The following HPGD variants were observed in gnomAD, a reference collection of about 807,000 sequenced individuals.
HPGD encodes 15-hydroxyprostaglandin dehydrogenase, also known as 15-hydroxyprostaglandin dehydrogenase [NAD(+)].
HPGD carries 29 observed loss-of-function variants against 30.0 expected under a neutral mutation model. The ratio of observed to expected loss-of-function variants is 0.97; its 90% CI spans 0.72 to 1.32. The LOEUF (loss-of-function observed/expected upper bound fraction) is 1.32, where lower values mean the gene tolerates loss of function less well. Among genes scored for constraint, HPGD ranks in the 40% most tolerant of loss-of-function variants. HPGD has a pLI of 0.00. For missense variants in HPGD, 340 were observed against 322.1 expected, an observed-to-expected ratio of 1.06 and a Z score of -0.43; for synonymous variants, 99 against 112.4, an observed-to-expected ratio of 0.88 and a Z score of 0.75.
At chr4:174,511,444 T>C (rs1735488936) in intron 3 of HPGD, among the ~76,000 whole-genome samples, 1 of 152,190 alleles carries the variant, frequency 6.6e-6, no homozygotes, top group Admixed American at 6.5e-5. Context: ...ATATATTAGT[T>C]AAATGTCAAA....
chr4:174,506,963 C>A (rs1216251085), intron 4 of HPGD: 1 of 152,162 alleles, frequency 6.6e-6, no homozygotes, highest in African/African-American at 2.4e-5. Flanking sequence ...TGAAAGAATA[C>A]AGAGAATTAT....
intron 4 of HPGD, among the ~76,000 whole-genome samples, chr4:174,503,239 G>A (rs972167044): frequency 1.3e-5 from 2 of 152,056 alleles, no homozygotes. Flanking sequence ...AAGCAGGAAG[G>A]GTGGCTCCCA....
chr4:174,498,480 C>G (rs908939866), intron 4 of HPGD, among the ~76,000 whole-genome samples: 1 of 152,108 alleles, frequency 6.6e-6, no homozygotes, highest in African/African-American at 2.4e-5. Context: ...TTTCCTTGTG[C>G]CCCTTGGTAA....
intron 4 of HPGD, among the ~76,000 whole-genome samples, chr4:174,502,588 G>A (rs1044388341): frequency 6.7e-6 from 1 of 150,106 alleles, no homozygotes; most frequent in Non-Finnish European, 1.5e-5. Context: ...TGAGGCAGGA[G>A]AATGGCGTGA....
Position 174,502,120 on chromosome 4 carries a change from T to C in HPGD, c.422-6496A>G, listed in dbSNP as rs189954701. ...CTAAAAAAGCAGGAATCTAAAGCTGTCACATTTTCTTTACAACCAACAACA... is the reference window on the plus strand; with the variant it reads ...CTAAAAAAGCAGGAATCTAAAGCTGCCACATTTTCTTTACAACCAACAACA... On this transcript the variant is annotated intron_variant, in intron 4 of 6. Coordinates refer to ENST00000296522, the MANE Select transcript of HPGD (RefSeq NM_000860.6). Among the ~76,000 whole-genome samples, 267 of 152,046 alleles carry C rather than the reference T, an allele frequency of 1.8e-3. 1 individual carries two copies. Among genetic ancestry groups the C allele is most frequent in the African/African-American group, 6.1e-3 (251 of 41,312 alleles).
At chr4:174,508,599 C>T (rs1735300959) in intron 4 of HPGD, 97 bp downstream of exon 4, 2 of 789,504 alleles carry the variant, frequency 2.5e-6, no homozygotes, top group Admixed American at 1.7e-5. Flanking sequence ...TTTTAATTTC[C>T]AACTTGAGCT....
rs778825547 is a variant in HPGD, at chr4:174,497,568, C to CTTTTTTTTTTTTTTTTTTTTTTTTTTT, written c.422-1971_422-1945dup. ...CACTTTCTTTTCTTTCTTTTTCTTTCTTTTTTTTTTTTTTTTTTTTTTTTT... is the reference window on the plus strand; with the variant it reads ...CACTTTCTTTTCTTTCTTTTTCTTTCTTTTTTTTTTTTTTTTTTTTTTTTTTTTTTTTTTTTTTTTTTTTTTTTTTTT... On this transcript the variant is annotated intron_variant, in intron 4 of 6. Coordinates refer to ENST00000296522, the MANE Select transcript of HPGD (RefSeq NM_000860.6). Among the ~76,000 whole-genome samples the CTTTTTTTTTTTTTTTTTTTTTTTTTTT allele has an allele frequency of 1.8e-3, 93 of 51,100 alleles. 17 individuals are homozygous for CTTTTTTTTTTTTTTTTTTTTTTTTTTT. The highest frequency in any genetic ancestry group is 2.7e-3 in the African/African-American group (41 of 14,968). 33.5% of individuals were successfully genotyped at this position (51,100 alleles called of 152,430 possible).
At chr4:174,504,756 T>C (rs746009354) in intron 4 of HPGD, among the ~76,000 whole-genome samples, 14 of 151,910 alleles carry the variant, frequency 9.2e-5, no homozygotes, top group Non-Finnish European at 1.9e-4. Flanking sequence ...TTGGTTGTAG[T>C]GAGCCGAGAT....
At chr4:174,504,814 AAAACAAACAAACAAACAAAC>A (rs35636366) in intron 4 of HPGD, among the ~76,000 whole-genome samples, 4 of 150,018 alleles carry the variant, frequency 2.7e-5, no homozygotes, top group East Asian at 4.0e-4. Flanking sequence ...ACTCTGTCTC[AAAACAAACAAACAAACAAAC>A]AAACAAACAA....
At chr4:174,522,673 G>A (rs1736228042), upstream of HPGD, 1 of 467,796 alleles carries the variant, frequency 2.1e-6, no homozygotes, top group Non-Finnish European at 3.7e-6. Flanking sequence ...TTTGCCTTCC[G>A]GACTCGCAGA....
intron 3 of HPGD, among the ~76,000 whole-genome samples, chr4:174,510,200 T>C (rs1000511651): frequency 6.6e-6 from 1 of 152,218 alleles, no homozygotes; most frequent in African/African-American, 2.4e-5. Flanking sequence ...GATATACTTC[T>C]CCTACCTAAC....
intron 3 of HPGD, among the ~76,000 whole-genome samples, chr4:174,517,242 C>T (rs1239184273): frequency 6.6e-6 from 1 of 152,128 alleles, no homozygotes; most frequent in Non-Finnish European, 1.5e-5. Context: ...CTTAATTCTA[C>T]CATTTTTAAG....
At position 174,518,851 on chromosome 4, in the gene HPGD, T is replaced by C. The variant is rs750664013; in HGVS notation, c.218-774A>G. Among the ~76,000 whole-genome samples the C allele has an allele frequency of 3.7e-4, 56 of 152,220 alleles. 1 individual carries two copies. Among genetic ancestry groups the C allele is most frequent in the Admixed American group, 2.0e-3 (30 of 15,280 alleles). Reference sequence around the variant, plus strand: ...CTCAAAGCAGCCTTTGACAGAGTTCTAATTGATTTAAACTGTTTCCCCGGG... The same window carrying C: ...CTCAAAGCAGCCTTTGACAGAGTTCCAATTGATTTAAACTGTTTCCCCGGG... On this transcript the variant is annotated intron_variant, in intron 2 of 6. Transcript: ENST00000296522.
intron 3 of HPGD, among the ~76,000 whole-genome samples, chr4:174,516,873 TA>T (rs1468475008): frequency 3.3e-5 from 5 of 152,126 alleles, no homozygotes; most frequent in Non-Finnish European, 5.9e-5. Context: ...ATGTATTGAC[TA>T]AGCACTATCT....
rs1309131332 is a variant in HPGD, at chr4:174,491,312, T to C, written c.*644A>G. 2.0e-5 allele frequency: 3 copies of C among 152,766 alleles called. No homozygotes were observed. The highest frequency in any genetic ancestry group is 4.4e-5 in the Non-Finnish European group (3 of 68,014). 9.5% of individuals were successfully genotyped at this position (152,766 alleles called of 1,614,324 possible). A position where few individuals can be genotyped will look rare whatever the true frequency, so the allele number is the denominator to read the frequency against. ...AGTGAGCAGAGGAAAGAAATGTCTT[T>C]CCCAGATAGGAGGCTGAACTGTGAA... On this transcript the variant is annotated 3_prime_UTR_variant, in exon 7 of 7. Coordinates refer to ENST00000296522, the MANE Select transcript of HPGD (RefSeq NM_000860.6).
intron 4 of HPGD, chr4:174,507,581 A>C (rs7673685): frequency 0.2 from 30,621 of 152,168 alleles, 3,649 homozygotes; most frequent in Non-Finnish European, 0.27. Flanking sequence ...TTCTGAAATC[A>C]CCACATTAAC....
At chr4:174,519,671 A>G (rs1735980294) in intron 2 of HPGD, among the ~76,000 whole-genome samples, 1 of 152,030 alleles carries the variant, frequency 6.6e-6, no homozygotes, top group African/African-American at 2.4e-5. Flanking sequence ...AAAAAGCTCC[A>G]CCACTGAGCA....
chr4:174,492,171 G>C lies in HPGD; in HGVS notation c.663-77C>G, dbSNP rs1734372892. ...ACTTCATTTTAAGTTATTTTCTGAA[G>C]AATCTATTAAGTTGAACATGTTATA... On this transcript the variant is annotated intron_variant, in intron 6 of 6. Transcript: ENST00000296522. The surrounding 1 kb of genome is among the most constrained non-coding windows in gnomAD (Gnocchi z 4.9). 1 of 1,365,332 alleles carries C rather than the reference G, an allele frequency of 7.3e-7. No homozygotes were observed. The highest frequency in any genetic ancestry group is 1.4e-5 in the African/African-American group (1 of 70,118). The allele number at this position is 1,365,332 out of a possible 1,614,324, so 84.6% of individuals were successfully genotyped here. A position where few individuals can be genotyped will look rare whatever the true frequency, so the allele number is the denominator to read the frequency against.
intron 3 of HPGD, among the ~76,000 whole-genome samples, chr4:174,515,838 T>C (rs1735741760): frequency 6.6e-6 from 1 of 152,000 alleles, no homozygotes; most frequent in African/African-American, 2.4e-5. Flanking sequence ...CTGTGAATAC[T>C]TCTCAGAAGA....
Sources: allele counts gnomAD v4.1 joint callset (sites outside exome capture counted in the v4.1 genomes callset), GRCh38; gene constraint gnomAD v4.1.1; non-coding constraint Gnocchi (gnomAD v3.1); transcripts MANE v1.5; gene names NCBI Gene and HGNC (gene_info 2026-07-23, HGNC 2026-07-21).